Variants in UBAC2 observed in about 807,000 individuals in gnomAD.
The protein encoded by UBAC2 is ubiquitin-associated domain-containing protein 2.
UBAC2 carries 26 observed loss-of-function variants against 44.0 expected under a neutral mutation model. The ratio of observed to expected loss-of-function variants is 0.59; its 90% CI spans 0.43 to 0.82. UBAC2 has a LOEUF of 0.82. UBAC2 is among the 40% of genes least tolerant of loss of function. UBAC2 has a pLI of 0.00. For synonymous variants in UBAC2, 155 were observed against 154.3 expected, an observed-to-expected ratio of 1.00 and a Z score of -0.04; for missense variants, 329 against 419.4, an observed-to-expected ratio of 0.78 and a Z score of 1.88.
At chr13:99,338,457 T>C (rs1359219519) in intron 6 of UBAC2, among the ~76,000 whole-genome samples, 1 of 152,226 alleles carries the variant, frequency 6.6e-6, no homozygotes, top group East Asian at 1.9e-4. Flanking sequence ...ACAAGCTTGC[T>C]CTAGTCCCTG....
rs754856752 is a variant in UBAC2, at chr13:99,201,612, A to G, written c.31+673A>G. 8.1e-6 allele frequency: 13 copies of G among 1,606,344 alleles called. No individual in the cohort carries two copies. In the East Asian group the frequency reaches 2.2e-4, roughly 28 times the overall value. On this transcript the variant is annotated intron_variant, in intron 1 of 8. Coordinates refer to ENST00000403766, the MANE Select transcript of UBAC2 (RefSeq NM_001144072.2). ...TACAGCCAGTTAAACGGCTTTTCTC[A>G]CTGAGTGTGTGGAATTGACTTTCGG...
intron 4 of UBAC2, among the ~76,000 whole-genome samples, chr13:99,250,235 G>A (rs1489449988): frequency 6.6e-6 from 1 of 152,174 alleles, no homozygotes; most frequent in Non-Finnish European, 1.5e-5. Flanking sequence ...ATTAATTTTT[G>A]TATGTGGTGC....
At chr13:99,367,648 A>T in intron 7 of UBAC2, 139 bp from the exon 8 acceptor site, 1 of 1,202,366 alleles carries the variant, frequency 8.3e-7, no homozygotes, top group Non-Finnish European at 1.2e-6. Flanking sequence ...TTTGAATTTG[A>T]ATTGCTTGCA....
intron 4 of UBAC2, among the ~76,000 whole-genome samples, chr13:99,275,538 A>G (rs1273082306): frequency 3.3e-5 from 5 of 151,586 alleles, no homozygotes; most frequent in Non-Finnish European, 5.9e-5. Flanking sequence ...TTAGCTCTTT[A>G]TTTTTTGAAT....
At chr13:99,255,561 G>T in intron 4 of UBAC2, 1 of 1,614,146 alleles carries the variant, frequency 6.2e-7, no homozygotes, top group East Asian at 2.2e-5. Context: ...CAATGCTTGG[G>T]TAAAACACTG....
At chr13:99,379,478 A>G (rs1373278641) in intron 8 of UBAC2, among the ~76,000 whole-genome samples, 2 of 152,226 alleles carry the variant, frequency 1.3e-5, no homozygotes, top group Admixed American at 6.5e-5. Flanking sequence ...TGCAGCCAAC[A>G]TGTTGAATAT....
chr13:99,290,243 T>C (rs1202044318), intron 4 of UBAC2, among the ~76,000 whole-genome samples: 1 of 152,226 alleles, frequency 6.6e-6, no homozygotes, highest in African/African-American at 2.4e-5. Flanking sequence ...ACTTTATATG[T>C]AAAGTGCTTA....
At chr13:99,308,809 G>C (rs772239825) in intron 4 of UBAC2, 15 of 152,148 alleles carry the variant, frequency 9.9e-5, no homozygotes, top group Non-Finnish European at 2.1e-4. Flanking sequence ...ATAAAATAAA[G>C]GTATTGAACT....
At chr13:99,318,664 C>A (rs2044526536) in intron 6 of UBAC2, among the ~76,000 whole-genome samples, 1 of 150,712 alleles carries the variant, frequency 6.6e-6, no homozygotes, top group African/African-American at 2.4e-5. Context: ...GCTAAAAATA[C>A]AGAAAAATTT....
At chr13:99,347,450 G>A (rs2045008331) in intron 7 of UBAC2, among the ~76,000 whole-genome samples, 1 of 151,846 alleles carries the variant, frequency 6.6e-6, no homozygotes, top group Admixed American at 6.6e-5. Context: ...CGCTGCATGA[G>A]CTGGAAGTGG....
At chr13:99,289,202 A>G (rs192856368) in intron 4 of UBAC2, among the ~76,000 whole-genome samples, 82 of 152,354 alleles carry the variant, frequency 5.4e-4, no homozygotes, top group Admixed American at 2.4e-3. Context: ...TAAGATCTAA[A>G]TTAAAACTAT....
chr13:99,358,860 G>A (rs1013660146), intron 7 of UBAC2, among the ~76,000 whole-genome samples: 2 of 152,174 alleles, frequency 1.3e-5, no homozygotes, highest in South Asian at 2.1e-4. Flanking sequence ...TTTGGGACGT[G>A]TTCTATCTTA....
chr13:99,348,007 G>C (rs1226468703), intron 7 of UBAC2, among the ~76,000 whole-genome samples: 1 of 152,092 alleles, frequency 6.6e-6, no homozygotes. Context: ...CTTGCCCGCT[G>C]ACTCACTCTT....
At chr13:99,234,072 T>A (rs1461319859) in intron 1 of UBAC2, among the ~76,000 whole-genome samples, 1 of 151,986 alleles carries the variant, frequency 6.6e-6, no homozygotes, top group Admixed American at 6.6e-5. Context: ...AAAGTAATTA[T>A]TTCCAAGGAA....
At position 99,317,909 on chromosome 13, in the gene UBAC2, A is replaced by G. The variant is rs920186169; in HGVS notation, c.514-113A>G. 5 of 769,772 alleles carry G rather than the reference A, an allele frequency of 6.5e-6. No homozygotes were observed. In the African/African-American group the frequency reaches 7.2e-5, roughly 11 times the overall value. The allele number at this position is 769,772 out of a possible 1,614,324, so 47.7% of individuals were successfully genotyped here. On this transcript the variant is annotated intron_variant, in intron 5 of 8. Coordinates refer to ENST00000403766, the MANE Select transcript of UBAC2 (RefSeq NM_001144072.2). ...TCCATTTGCTTCTCTGTATTATGGCATATATAATTAATACTTTATATAAAT... is the reference window on the plus strand; with the variant it reads ...TCCATTTGCTTCTCTGTATTATGGCGTATATAATTAATACTTTATATAAAT...
chr13:99,210,957 A>G (rs1417972142), intron 1 of UBAC2, among the ~76,000 whole-genome samples: 2 of 152,152 alleles, frequency 1.3e-5, no homozygotes, highest in African/African-American at 2.4e-5. Context: ...ATGCTGCAGA[A>G]TTAGGTTGTT....
At chr13:99,377,177 G>A (rs1000685890) in intron 8 of UBAC2, 1 of 147,314 alleles carries the variant, frequency 6.8e-6, no homozygotes, top group African/African-American at 2.5e-5. Context: ...CTCTGTGTTG[G>A]GGGGAAGCAA....
chr13:99,230,999 G>C (rs2043166509), intron 1 of UBAC2, among the ~76,000 whole-genome samples: 1 of 152,208 alleles, frequency 6.6e-6, no homozygotes, highest in East Asian at 1.9e-4. Flanking sequence ...AGTGAGCTGA[G>C]ATTGTGCCAC....
Position 99,385,979 on chromosome 13 carries a change from A to G in UBAC2, c.*644A>G, listed in dbSNP as rs1058083. ...TGGGTTAATTTTGCTCAGAGTATCC[A>G]GAGTTAGCCACTAGGCTGCGGGTGA... On this transcript the variant is annotated 3_prime_UTR_variant, in exon 9 of 9. Coordinates refer to ENST00000403766, the MANE Select transcript of UBAC2 (RefSeq NM_001144072.2). The G allele has an allele frequency of 0.63, 95,946 of 152,588 alleles. 30,415 individuals carry two copies. The highest frequency in any genetic ancestry group is 0.68 in the Middle Eastern group (199 of 294). 9.5% of individuals were successfully genotyped at this position (152,588 alleles called of 1,614,324 possible).
Sources: allele counts gnomAD v4.1 joint callset (sites outside exome capture counted in the v4.1 genomes callset), GRCh38; gene constraint gnomAD v4.1.1; transcripts MANE v1.5; gene names NCBI Gene and HGNC (gene_info 2026-07-23, HGNC 2026-07-21).